Variants in PPAT observed in about 807,000 individuals in gnomAD.
The protein encoded by PPAT is amidophosphoribosyltransferase.
In PPAT, 20 loss-of-function variants were observed where a neutral mutation model predicts 60.2. The observed-to-expected ratio is 0.33, with a 90% CI of 0.23 to 0.48. The LOEUF is 0.48. Among genes scored for constraint, PPAT ranks in the 20% least tolerant of loss-of-function variants. PPAT has a pLI of 0.99. For missense variants in PPAT, 349 were observed against 629.6 expected (o/e 0.55, Z 4.77); for synonymous variants, 194 against 215.1 (o/e 0.90, Z 0.86).
At chr4:56,432,132 C>T (rs954318815) in intron 1 of PPAT, among the ~76,000 whole-genome samples, 2 of 152,028 alleles carry the variant, frequency 1.3e-5, no homozygotes, top group Non-Finnish European at 2.9e-5. Context: ...TCTGTTAACC[C>T]CAGGACTAAA....
chr4:56,399,285 G>A lies in PPAT; in HGVS notation c.1130C>T (p.Ser377Leu). 2 of 1,613,914 alleles carry A rather than the reference G, an allele frequency of 1.2e-6. No homozygotes were observed. The highest frequency in any genetic ancestry group is 1.7e-6 in the Non-Finnish European group (2 of 1,179,880). ...LGVAKKFGVLSDNFKGKRIVL... is the reference protein window; with the variant it reads ...LGVAKKFGVLLDNFKGKRIVL... The stretch of plus-strand genomic sequence containing the variant: ...AATTCTTTTGCCTTTAAAGTTGTCT[G>A]ACAATACTCCAAATTTTTTTGCAAC... The change falls in exon 9 of 11, where the codon TCA becomes TTA. Residue 377 changes from serine (S) to leucine (L), a missense_variant. Physicochemically the swap from Ser to Leu is moderately radical, Grantham distance 145. Transcript: ENST00000264220.
chr4:56,435,364 C>T lies in PPAT; in HGVS notation c.114G>A (p.Val38=). The T allele has an allele frequency of 6.2e-7, 1 of 1,613,770 alleles. No individual in the cohort carries two copies. The highest frequency in any genetic ancestry group is 8.5e-7 in the Non-Finnish European group (1 of 1,179,786). The change falls in exon 1 of 11, where the codon GTG becomes GTA. Residue 38 remains valine (V), a synonymous_variant. Coordinates refer to ENST00000264220, the MANE Select transcript of PPAT (RefSeq NM_002703.5). ...CTGTTGCTCACCGGTGCTGCAGCCC[C>T]ACGAGTCCCAGAGTGATCACATGCG... ...DVPHVITLGL[V]GLQHRGQESA...
At chr4:56,419,876 C>T (rs906767313) in intron 1 of PPAT, 1 of 984,280 alleles carries the variant, frequency 1.0e-6, no homozygotes, top group Admixed American at 6.1e-5. Flanking sequence ...AACACGAATA[C>T]AAGATCGTAA....
At chr4:56,431,370 T>G in intron 1 of PPAT, 4 of 846,800 alleles carry the variant, frequency 4.7e-6, no homozygotes, top group Non-Finnish European at 5.7e-6. Context: ...AGTGCATCTC[T>G]CATTCTCACA....
At position 56,400,871 on chromosome 4, in the gene PPAT, C is replaced by A; in HGVS notation, c.927G>T (p.Gln309His). ...CATCCACAGGTGCTTCAATCGCTAG[C>A]TGCTGGCCACAACGGTATCTTACTG... ...VYTVRYRCGQQLAIEAPVDAD... is the reference protein window; with the variant it reads ...VYTVRYRCGQHLAIEAPVDAD... Residue 309 changes from glutamine to histidine, a missense_variant, in exon 8 of 11, where the codon CAG (glutamine) becomes CAT (histidine). By Grantham distance (24) the Gln-to-His change is conservative. Transcript: ENST00000264220. 6.2e-7 allele frequency: 1 copy of A among 1,613,110 alleles called. No individual in the cohort carries two copies. Among genetic ancestry groups the A allele is most frequent in the Non-Finnish European group, 8.5e-7 (1 of 1,179,078 alleles).
intron 1 of PPAT, among the ~76,000 whole-genome samples, chr4:56,417,835 G>GT (rs1207160039): frequency 1.7e-4 from 17 of 102,588 alleles, no homozygotes; most frequent in African/African-American, 4.9e-4. Context: ...TGAAGATTTG[G>GT]TTTTTTGTTT....
At chr4:56,426,787 A>AT (rs1260787512) in intron 1 of PPAT, among the ~76,000 whole-genome samples, 1 of 152,202 alleles carries the variant, frequency 6.6e-6, no homozygotes, top group Non-Finnish European at 1.5e-5. Flanking sequence ...AATATTTACC[A>AT]TTATACCCAT....
Position 56,395,273 on chromosome 4 carries a change from A to C in PPAT, c.*79T>G. 1 of 1,212,198 alleles carries C rather than the reference A, an allele frequency of 8.2e-7. No individual in the cohort carries two copies. The highest frequency in any genetic ancestry group is 1.2e-6 in the Non-Finnish European group (1 of 858,780). The allele number at this position is 1,212,198 out of a possible 1,614,324, so 75.1% of individuals were successfully genotyped here. On this transcript the variant is annotated 3_prime_UTR_variant, in exon 11 of 11. Transcript: ENST00000264220. The stretch of plus-strand genomic sequence containing the variant: ...TTTTACATTGTACCAACTGAGTAAC[A>C]GTAAATAGATGAGGTGTGACCACTA...
chr4:56,399,156 G>C, intron 9 of PPAT, 23 bp downstream of exon 9: 1 of 1,566,104 alleles, frequency 6.4e-7, no homozygotes, highest in Non-Finnish European at 8.8e-7. Flanking sequence ...TTATGCTTTA[G>C]GATATGTTTT....
At chr4:56,402,848 AGGGG>A (rs377686688) in intron 5 of PPAT, among the ~76,000 whole-genome samples, 188 bp downstream of exon 5, 4 of 76,102 alleles carry the variant, frequency 5.3e-5, no homozygotes, top group African/African-American at 2.3e-4. Context: ...AAAAAAAAAA[AGGGG>A]GGGGACTCAT....
At chr4:56,412,769 T>G (rs762945976) in intron 1 of PPAT, among the ~76,000 whole-genome samples, 2 of 152,208 alleles carry the variant, frequency 1.3e-5, no homozygotes, top group African/African-American at 4.8e-5. Context: ...TAACCAGAAC[T>G]TCATCATGTC....
At chr4:56,414,536 A>G (rs1439299322) in intron 1 of PPAT, among the ~76,000 whole-genome samples, 1 of 152,222 alleles carries the variant, frequency 6.6e-6, no homozygotes, top group Non-Finnish European at 1.5e-5. Context: ...ATGTATCGCA[A>G]GTAATGATTT....
intron 1 of PPAT, chr4:56,419,821 T>C (rs962316323): frequency 7.1e-6 from 7 of 984,092 alleles, no homozygotes; most frequent in Middle Eastern, 5.2e-4. Context: ...AAATTTGGAA[T>C]AGACAGAGAC....
chr4:56,402,011 AAAG>A, intron 6 of PPAT, 95 bp downstream of exon 6: 1 of 957,524 alleles, frequency 1.0e-6, no homozygotes, highest in Non-Finnish European at 1.5e-6. Context: ...CAGACATCAA[AAAG>A]AAAACTTTCA....
At chr4:56,401,009 A>G (rs1296829620) in intron 7 of PPAT, 98 bp from the exon 8 acceptor site, 3 of 1,239,968 alleles carry the variant, frequency 2.4e-6, no homozygotes, top group Non-Finnish European at 3.4e-6. Context: ...GATTGAGTAT[A>G]AAAAGAAATG....
chr4:56,419,356 GA>G (rs1023645198), intron 1 of PPAT, among the ~76,000 whole-genome samples: 3 of 151,044 alleles, frequency 2.0e-5, no homozygotes, highest in Admixed American at 6.6e-5. Flanking sequence ...GTATGGAAGA[GA>G]AAAAAAAGGT....
At chr4:56,407,554 G>A in intron 2 of PPAT, 96 bp downstream of exon 2, 1 of 956,714 alleles carries the variant, frequency 1.0e-6, no homozygotes, top group Non-Finnish European at 1.7e-6. Context: ...CCGACCTCAG[G>A]TGATCCTCCT....
In PPAT at chr4:56,400,904, C is replaced by T. The variant is rs1716092157; in HGVS notation, c.894G>A (p.Met298Ile). 4 of 1,611,428 alleles carry T rather than the reference C, an allele frequency of 2.5e-6. No homozygotes were observed. The South Asian group carries it at 4.4e-5, about 18-fold the overall frequency. Residue 298 changes from methionine (M) to isoleucine (I), a missense_variant, in exon 8 of 11, where the codon ATG becomes ATA. By Grantham distance (10) the Met-to-Ile change is conservative (BLOSUM62 1). Around this residue, in one of 5 missense-constraint regions of PPAT, gnomAD observed 167 missense variants for 328.6 expected, o/e 0.51. Coordinates refer to ENST00000264220, the MANE Select transcript of PPAT (RefSeq NM_002703.5). ...ARPDSMFEDQ[M>I]VYTVRYRCGQ... ...CACAACGGTATCTTACTGTATAAAC[C>T]ATTTGGTCTGGTGTGTTTGGAAAAG...
intron 1 of PPAT, chr4:56,422,383 G>A (rs1431077620): frequency 6.6e-6 from 1 of 151,804 alleles, no homozygotes; most frequent in Admixed American, 6.6e-5. Flanking sequence ...TGTAGCTGAA[G>A]ATGATTCAGT....
Sources: gnomAD v4.1 joint callset for allele counts (sites outside exome capture counted in the v4.1 genomes callset) on GRCh38, gnomAD v4.1.1 for gene constraint, gnomAD v4.1.1 regional missense constraint, MANE v1.5 for transcripts, NCBI Gene and HGNC (gene_info 2026-07-23, HGNC 2026-07-21) for gene names.